The following PRORP variants were observed in gnomAD, a reference collection of about 807,000 sequenced individuals.
PRORP encodes the protein mitochondrial ribonuclease P catalytic subunit.
A neutral mutation model predicts 59.4 loss-of-function variants in PRORP; 51 were observed. The observed-to-expected ratio is 0.86, with a 90% CI of 0.69 to 1.08. The LOEUF is 1.08. Among genes scored for constraint, PRORP ranks in the 50% least tolerant of loss-of-function variants. PRORP has a pLI of 0.00. For missense variants in PRORP, 646 were observed against 690.3 expected, an observed-to-expected ratio of 0.94 and a Z score of 0.72; for synonymous variants, 231 against 245.6, an observed-to-expected ratio of 0.94 and a Z score of 0.55.
chr14:35,269,303 T>C (rs1344244515), intron 6 of PRORP, among the ~76,000 whole-genome samples: 1 of 152,226 alleles, frequency 6.6e-6, no homozygotes, highest in Non-Finnish European at 1.5e-5. Flanking sequence ...ATTTTCCTTA[T>C]ATGGAAAAAT....
intron 4 of PRORP, among the ~76,000 whole-genome samples, chr14:35,170,777 G>T (rs2048295102): frequency 6.6e-6 from 1 of 151,638 alleles, no homozygotes; most frequent in Non-Finnish European, 1.5e-5. Flanking sequence ...TCCAAGTCTA[G>T]GTTTTCATCT....
intron 5 of PRORP, among the ~76,000 whole-genome samples, chr14:35,258,663 C>T (rs1273824084): frequency 2.0e-5 from 3 of 147,742 alleles, no homozygotes; most frequent in African/African-American, 5.0e-5. Context: ...GGTGTGGGGG[C>T]GGGGCAGAGA....
chr14:35,247,445 G>A (rs920242243), intron 5 of PRORP, among the ~76,000 whole-genome samples: 2 of 152,134 alleles, frequency 1.3e-5, no homozygotes, highest in African/African-American at 4.8e-5. Flanking sequence ...TAACCATAGT[G>A]TACAACTGTG....
intron 5 of PRORP, among the ~76,000 whole-genome samples, chr14:35,214,006 T>A (rs1056040465): frequency 6.6e-5 from 10 of 152,234 alleles, no homozygotes; most frequent in African/African-American, 2.4e-4. Context: ...AATGTATACC[T>A]GTATCATATT....
At chr14:35,262,482 G>A in intron 5 of PRORP, 1 of 510,458 alleles carries the variant, frequency 2.0e-6, no homozygotes, top group Non-Finnish European at 3.6e-6. Flanking sequence ...TCAGCAACCA[G>A]ACTGTCAACA....
At chr14:35,171,711 T>A (rs2415272) in intron 4 of PRORP, among the ~76,000 whole-genome samples, 8,624 of 152,264 alleles carry the variant, frequency 0.057, 463 homozygotes, top group Admixed American at 0.17. Context: ...TTTGGGGATG[T>A]TTTGGCTATT....
intron 4 of PRORP, among the ~76,000 whole-genome samples, chr14:35,149,064 G>A (rs1234521752): frequency 6.0e-5 from 9 of 148,802 alleles, no homozygotes; most frequent in Admixed American, 2.0e-4. Flanking sequence ...GACAACAGGC[G>A]CCCGCCACCA....
chr14:35,234,351 G>C (rs1358305528), intron 5 of PRORP, among the ~76,000 whole-genome samples: 3 of 152,126 alleles, frequency 2.0e-5, no homozygotes, highest in Non-Finnish European at 4.4e-5. Flanking sequence ...CAAATACTGT[G>C]TTTCCTAGAT....
rs1473776101 is a variant in PRORP, at chr14:35,123,249, ACTTT to A, written c.7_10del (p.Phe3IlefsTer19). 1 of 1,606,586 alleles carries A rather than the reference ACTTT, an allele frequency of 6.2e-7. No homozygotes were observed. Among genetic ancestry groups the A allele is most frequent in the Admixed American group, 1.7e-5 (1 of 59,862 alleles). ...CTGGTGCTGATCTCACTGCATAATGACTTTCTATTTGTTTGGTATTCGAAGCTTT... is the reference window on the plus strand; with the variant it reads ...CTGGTGCTGATCTCACTGCATAATGACTATTTGTTTGGTATTCGAAGCTTT... On this transcript the variant is annotated frameshift_variant, in exon 2 of 8. Transcript: ENST00000534898. LOFTEE classifies it high-confidence loss of function.
intron 5 of PRORP, among the ~76,000 whole-genome samples, chr14:35,207,052 C>T (rs1359608762): frequency 6.6e-6 from 1 of 151,904 alleles, no homozygotes; most frequent in East Asian, 1.9e-4. Context: ...CACATGGAGG[C>T]CTCTCTTTTT....
intron 4 of PRORP, among the ~76,000 whole-genome samples, chr14:35,176,885 A>C (rs946955003): frequency 8.0e-6 from 1 of 124,536 alleles, no homozygotes; most frequent in African/African-American, 2.8e-5. Context: ...GGTTTGTCAT[A>C]AATAGCTCTT....
chr14:35,161,976 A>C (rs1278266247), intron 4 of PRORP, among the ~76,000 whole-genome samples: 2 of 152,086 alleles, frequency 1.3e-5, no homozygotes, highest in Non-Finnish European at 2.9e-5. Context: ...TCAGTCCTTC[A>C]TCTAGTTGAT....
At chr14:35,194,532 G>A (rs577584422) in intron 5 of PRORP, among the ~76,000 whole-genome samples, 11 of 152,108 alleles carry the variant, frequency 7.2e-5, no homozygotes, top group South Asian at 6.2e-4. Context: ...AGGGCCTGTC[G>A]GGGGATGAGG....
At chr14:35,152,729 G>C (rs1362492642) in intron 4 of PRORP, among the ~76,000 whole-genome samples, 4 of 151,924 alleles carry the variant, frequency 2.6e-5, no homozygotes, top group Non-Finnish European at 4.4e-5. Context: ...CGGCCGGGCA[G>C]AGACGCTCCT....
At chr14:35,218,305 T>A (rs537108422) in intron 5 of PRORP, among the ~76,000 whole-genome samples, 23 of 151,054 alleles carry the variant, frequency 1.5e-4, no homozygotes, top group African/African-American at 5.1e-4. Flanking sequence ...ACAAAAAAAT[T>A]AAAAAATTGG....
At chr14:35,165,629 A>T (rs1433506606) in intron 4 of PRORP, among the ~76,000 whole-genome samples, 2 of 120,754 alleles carry the variant, frequency 1.7e-5, no homozygotes, top group Non-Finnish European at 3.5e-5. Context: ...GGAGACGATT[A>T]GGTGATTTTT....
chr14:35,162,440 T>C (rs572125926), intron 4 of PRORP, among the ~76,000 whole-genome samples: 1 of 152,172 alleles, frequency 6.6e-6, no homozygotes, highest in Non-Finnish European at 1.5e-5. Flanking sequence ...AATTTACAAT[T>C]TTCTTGGAGT....
intron 5 of PRORP, among the ~76,000 whole-genome samples, chr14:35,239,133 A>T (rs919217744): frequency 9.9e-5 from 15 of 152,004 alleles, no homozygotes; most frequent in African/African-American, 3.6e-4. Flanking sequence ...AGGCGGGCGG[A>T]TCTCTTGAGG....
intron 4 of PRORP, among the ~76,000 whole-genome samples, chr14:35,129,462 G>T (rs1375525882): frequency 6.7e-6 from 1 of 150,328 alleles, no homozygotes; most frequent in Non-Finnish European, 1.5e-5. Context: ...TATTTTTTGT[G>T]TATCTGTTGT....
Sources: gnomAD v4.1 joint callset for allele counts (sites outside exome capture counted in the v4.1 genomes callset) on GRCh38, gnomAD v4.1.1 for gene constraint, MANE v1.5 for transcripts, NCBI Gene and HGNC (gene_info 2026-07-23, HGNC 2026-07-21) for gene names.